MAL: variants seen among roughly 807,000 people sequenced by gnomAD.
MAL encodes the protein myelin and lymphocyte protein.
A neutral mutation model predicts 16.7 loss-of-function variants in MAL; 5 were observed. That is an observed-to-expected ratio of 0.30 (90% CI 0.16 to 0.63). The LOEUF is 0.63. MAL is among the 30% of genes least tolerant of loss of function. The pLI is 0.82. For missense variants in MAL, 202 were observed against 195.8 expected (o/e 1.03, Z -0.19); for synonymous variants, 96 against 85.5 (o/e 1.12, Z -0.67).
At chr2:95,045,463 T>A (rs1674565229) in intron 1 of MAL, among the ~76,000 whole-genome samples, 1 of 152,184 alleles carries the variant, frequency 6.6e-6, no homozygotes, top group Admixed American at 6.5e-5. Flanking sequence ...TCCCCACCAG[T>A]GAGGCAGCTG....
At chr2:95,030,123 G>A (rs1000448196) in intron 1 of MAL, among the ~76,000 whole-genome samples, 19 of 152,172 alleles carry the variant, frequency 1.2e-4, no homozygotes, top group African/African-American at 4.8e-5. Context: ...TGGCAGCTCA[G>A]GGTGGGGCAT....
intron 1 of MAL, among the ~76,000 whole-genome samples, chr2:95,027,646 G>A (rs1340157149): frequency 6.6e-6 from 1 of 152,208 alleles, no homozygotes. Flanking sequence ...TATTTGATGT[G>A]TGGAAGGAGT....
intron 1 of MAL, among the ~76,000 whole-genome samples, chr2:95,042,616 A>T (rs1235516520): frequency 2.6e-5 from 4 of 152,182 alleles, no homozygotes; most frequent in Non-Finnish European, 4.4e-5. Flanking sequence ...GATGGACAGT[A>T]ACAGGGTGCA....
chr2:95,043,044 C>A (rs1381374253), intron 1 of MAL, among the ~76,000 whole-genome samples: 1 of 152,248 alleles, frequency 6.6e-6, no homozygotes, highest in African/African-American at 2.4e-5. Context: ...TTCTGCTACT[C>A]CTTGACCCAA....
chr2:95,040,512 G>A (rs768211045), intron 1 of MAL, among the ~76,000 whole-genome samples: 1 of 152,214 alleles, frequency 6.6e-6, no homozygotes, highest in Non-Finnish European at 1.5e-5. Context: ...GGCAAAGCCT[G>A]CTGAGCCTCT....
At chr2:95,045,635 A>G (rs1314235229) in intron 1 of MAL, among the ~76,000 whole-genome samples, 1 of 152,190 alleles carries the variant, frequency 6.6e-6, no homozygotes, top group Non-Finnish European at 1.5e-5. Flanking sequence ...TCCTCCTGGG[A>G]GGGTCACGTA....
intron 1 of MAL, among the ~76,000 whole-genome samples, chr2:95,042,143 G>A (rs1674482499): frequency 6.6e-6 from 1 of 152,156 alleles, no homozygotes; most frequent in Non-Finnish European, 1.5e-5. Flanking sequence ...GAGAGGAGGG[G>A]AAAGGAGAGG....
chr2:95,034,534 G>C (rs1674160819), intron 1 of MAL, among the ~76,000 whole-genome samples: 1 of 152,234 alleles, frequency 6.6e-6, no homozygotes, highest in Admixed American at 6.5e-5. Flanking sequence ...TTTGTCATCA[G>C]TGTCAGTGTG....
At chr2:95,041,314 G>A (rs1573296321) in intron 1 of MAL, among the ~76,000 whole-genome samples, 1 of 152,138 alleles carries the variant, frequency 6.6e-6, no homozygotes, top group African/African-American at 2.4e-5. Flanking sequence ...TTCCTTGTGC[G>A]GGTCAGGCAC....
chr2:95,036,346 C>T (rs1389835099), intron 1 of MAL, among the ~76,000 whole-genome samples: 1 of 152,238 alleles, frequency 6.6e-6, no homozygotes, highest in East Asian at 1.9e-4. Flanking sequence ...CTTGTGCCAA[C>T]TACCGGGCTC....
intron 1 of MAL, among the ~76,000 whole-genome samples, chr2:95,046,964 A>G (rs1053279463): frequency 7.9e-5 from 12 of 151,368 alleles, no homozygotes; most frequent in African/African-American, 2.9e-4. Flanking sequence ...AAAGAAAGAA[A>G]GAAAGAAGAA....
intron 3 of MAL, among the ~76,000 whole-genome samples, chr2:95,050,503 A>G (rs1336274118): frequency 6.6e-6 from 1 of 152,254 alleles, no homozygotes; most frequent in Non-Finnish European, 1.5e-5. Context: ...ATCCTGAGAT[A>G]CCAGCTCTAG....
intron 1 of MAL, among the ~76,000 whole-genome samples, chr2:95,042,454 T>C (rs566333082): frequency 4.6e-5 from 7 of 152,276 alleles, no homozygotes; most frequent in Non-Finnish European, 1.0e-4. Flanking sequence ...TAATGTATAG[T>C]CAGGGCTGAG....
chr2:95,029,549 A>G (rs1245973802), intron 1 of MAL, among the ~76,000 whole-genome samples: 1 of 152,242 alleles, frequency 6.6e-6, no homozygotes, highest in Non-Finnish European at 1.5e-5. Flanking sequence ...TGCTAAGAAC[A>G]TTCTCATATT....
At chr2:95,031,834 GGGA>G (rs949271703) in intron 1 of MAL, among the ~76,000 whole-genome samples, 4 of 152,228 alleles carry the variant, frequency 2.6e-5, no homozygotes, top group Non-Finnish European at 5.9e-5. Flanking sequence ...CCTCTCTAAA[GGGA>G]GGAGAAGTGT....
intron 1 of MAL, among the ~76,000 whole-genome samples, chr2:95,045,950 C>T (rs993108046): frequency 6.6e-6 from 1 of 152,238 alleles, no homozygotes; most frequent in African/African-American, 2.4e-5. Context: ...ATGCACAGTG[C>T]ATCCCACCGG....
Position 95,025,739 on chromosome 2 carries a change from C to T in MAL, c.-54C>T, listed in dbSNP as rs1673915872. The T allele has an allele frequency of 6.2e-6, 8 of 1,289,860 alleles. No homozygotes were observed. The highest frequency in any genetic ancestry group is 2.9e-5 in the East Asian group (1 of 34,132). 79.9% of individuals were successfully genotyped at this position (1,289,860 alleles called of 1,614,324 possible). A position where few individuals can be genotyped will look rare whatever the true frequency, so the allele number is the denominator to read the frequency against. ...CTCCGCGGAGCCAGCGAGAGGTCTG[C>T]GCGGAGTCTGAGCGGCGCTCGTCCC... On this transcript the variant is annotated 5_prime_UTR_variant, in exon 1 of 4. Coordinates refer to ENST00000309988, the MANE Select transcript of MAL (RefSeq NM_002371.4). This position sits in a 1 kb window ranked among gnomAD's most constrained non-coding sequence, Gnocchi z 5.6.
At chr2:95,052,165 A>G (rs1674734041) in intron 3 of MAL, among the ~76,000 whole-genome samples, 1 of 152,214 alleles carries the variant, frequency 6.6e-6, no homozygotes, top group African/African-American at 2.4e-5. Flanking sequence ...AGGTTTCTAG[A>G]TTATACAATG....
intron 1 of MAL, among the ~76,000 whole-genome samples, chr2:95,040,489 A>G (rs1674435104): frequency 1.3e-5 from 2 of 152,178 alleles, no homozygotes; most frequent in African/African-American, 4.8e-5. Flanking sequence ...AAATCAATCA[A>G]CCCATAGAGC....
Sources: allele counts gnomAD v4.1 joint callset (sites outside exome capture counted in the v4.1 genomes callset), GRCh38; gene constraint gnomAD v4.1.1; non-coding constraint Gnocchi (gnomAD v3.1); transcripts MANE v1.5; gene names NCBI Gene and HGNC (gene_info 2026-07-23, HGNC 2026-07-21).